Variants in PDE4D observed in about 807,000 individuals in gnomAD.
PDE4D encodes 3',5'-cyclic-AMP phosphodiesterase 4D.
PDE4D carries 24 observed loss-of-function variants against 87.4 expected under a neutral mutation model. The observed-to-expected ratio is 0.27, with a 90% CI of 0.20 to 0.39. PDE4D has a LOEUF of 0.39. Ranked by LOEUF, PDE4D falls within the 10% of genes least tolerant of loss-of-function variation. The pLI is 1.00. For missense variants in PDE4D, 714 were observed against 1,041.0 expected, an observed-to-expected ratio of 0.69 and a Z score of 4.32; for synonymous variants, 384 against 383.2, an observed-to-expected ratio of 1.00 and a Z score of -0.02.
intron 1 of PDE4D, among the ~76,000 whole-genome samples, chr5:59,576,621 G>A (rs1823208561): frequency 6.6e-6 from 1 of 152,080 alleles, no homozygotes; most frequent in South Asian, 2.1e-4. Context: ...TAGTCGAGGT[G>A]GCTACTGCAA....
intron 1 of PDE4D, among the ~76,000 whole-genome samples, chr5:60,243,832 C>T (rs1383712162): frequency 6.6e-6 from 1 of 151,864 alleles, no homozygotes; most frequent in Non-Finnish European, 1.5e-5. Context: ...ATACAAAAGA[C>T]ATATACCTAG....
intron 2 of PDE4D, among the ~76,000 whole-genome samples, chr5:60,046,087 T>C (rs908585043): frequency 6.6e-6 from 1 of 152,228 alleles, no homozygotes; most frequent in Non-Finnish European, 1.5e-5. Context: ...TCACATCCCT[T>C]GTTAAGTTGG....
At chr5:60,088,851 T>C (rs1774810224) in intron 2 of PDE4D, among the ~76,000 whole-genome samples, 1 of 152,068 alleles carries the variant, frequency 6.6e-6, no homozygotes, top group Non-Finnish European at 1.5e-5. Context: ...AAATGAATTA[T>C]ATTCTTCAGT....
intron 6 of PDE4D, among the ~76,000 whole-genome samples, chr5:59,021,481 A>C (rs1755140548): frequency 6.6e-6 from 1 of 152,212 alleles, no homozygotes; most frequent in African/African-American, 2.4e-5. Flanking sequence ...CAGCATATAA[A>C]GTTGACCTTT....
chr5:60,103,833 A>G (rs762575379), intron 2 of PDE4D, among the ~76,000 whole-genome samples: 1 of 152,184 alleles, frequency 6.6e-6, no homozygotes, highest in Non-Finnish European at 1.5e-5. Flanking sequence ...GAATATCAAA[A>G]TATGAATTAA....
At chr5:60,288,735 A>G (rs1401293759) in intron 1 of PDE4D, among the ~76,000 whole-genome samples, 1 of 152,204 alleles carries the variant, frequency 6.6e-6, no homozygotes, top group Admixed American at 6.5e-5. Context: ...TGAATCATTT[A>G]TATTTTCTCT....
At chr5:60,384,179 C>T (rs909977105) in intron 1 of PDE4D, among the ~76,000 whole-genome samples, 1 of 152,242 alleles carries the variant, frequency 6.6e-6, no homozygotes, top group African/African-American at 2.4e-5. Context: ...AAAAGAAAAA[C>T]CCTTACCTAA....
chr5:59,927,359 T>C (rs1019212886), intron 3 of PDE4D, among the ~76,000 whole-genome samples: 1 of 152,234 alleles, frequency 6.6e-6, no homozygotes, highest in Non-Finnish European at 1.5e-5. Context: ...ATTAATATAG[T>C]GTGAATGTGA....
chr5:60,307,394 T>C (rs16877884), intron 1 of PDE4D, among the ~76,000 whole-genome samples: 8,345 of 152,202 alleles, frequency 0.055, 757 homozygotes, highest in African/African-American at 0.19. Context: ...AAAATATGTC[T>C]AGTGTAAGAT....
chr5:59,029,993 G>T (rs1322462267), intron 6 of PDE4D, among the ~76,000 whole-genome samples: 2 of 152,140 alleles, frequency 1.3e-5, no homozygotes, highest in Admixed American at 1.3e-4. Flanking sequence ...GCAGAAGAAA[G>T]AAACTGTACT....
At chr5:59,187,036 G>A (rs756361533) in intron 3 of PDE4D, among the ~76,000 whole-genome samples, 24 of 152,018 alleles carry the variant, frequency 1.6e-4, no homozygotes. Context: ...CCCCTTCCTA[G>A]GCAAAATTTT....
chr5:60,500,538 A>G (rs1369942301), intron 1 of PDE4D, among the ~76,000 whole-genome samples: 1 of 152,214 alleles, frequency 6.6e-6, no homozygotes, highest in Non-Finnish European at 1.5e-5. Flanking sequence ...CATCAGTATG[A>G]TAATAATAAC....
chr5:60,494,264 T>C (rs1749695023), intron 1 of PDE4D, among the ~76,000 whole-genome samples: 1 of 152,136 alleles, frequency 6.6e-6, no homozygotes, highest in Non-Finnish European at 1.5e-5. Context: ...GCACTGGGGG[T>C]AGGGGGATCT....
chr5:59,384,091 A>G (rs937423387), intron 1 of PDE4D, among the ~76,000 whole-genome samples: 8 of 151,794 alleles, frequency 5.3e-5, no homozygotes, highest in Non-Finnish European at 1.2e-4. Context: ...TTTTTTGAGG[A>G]GACGGTGTCT....
intron 1 of PDE4D, among the ~76,000 whole-genome samples, chr5:59,592,891 G>A (rs1466894864): frequency 2.6e-5 from 4 of 151,842 alleles, no homozygotes; most frequent in East Asian, 1.9e-4. Flanking sequence ...TTTGACCAAC[G>A]CATGAAACCT....
chr5:59,333,133 A>G (rs1181082458), intron 1 of PDE4D, among the ~76,000 whole-genome samples: 1 of 152,216 alleles, frequency 6.6e-6, no homozygotes, highest in Non-Finnish European at 1.5e-5. Context: ...TTTTGTAGCC[A>G]TAGAACATAC....
At chr5:59,268,891 T>C (rs1377848670) in intron 1 of PDE4D, among the ~76,000 whole-genome samples, 1 of 152,146 alleles carries the variant, frequency 6.6e-6, no homozygotes, top group Non-Finnish European at 1.5e-5. Context: ...CTTTTCTCAA[T>C]CTTGCTAGTA....
At chr5:59,680,519 A>G (rs1314870507) in intron 1 of PDE4D, among the ~76,000 whole-genome samples, 1 of 152,170 alleles carries the variant, frequency 6.6e-6, no homozygotes, top group Non-Finnish European at 1.5e-5. Flanking sequence ...ACAAATTTAT[A>G]TATTAAAACA....
At chr5:59,512,043 CTT>C (rs1174047302) in intron 1 of PDE4D, among the ~76,000 whole-genome samples, 2 of 152,138 alleles carry the variant, frequency 1.3e-5, no homozygotes, top group African/African-American at 2.4e-5. Context: ...GATGTCTAAA[CTT>C]TTGACTGTAC....
Sources: gnomAD v4.1 joint callset for allele counts (sites outside exome capture counted in the v4.1 genomes callset) on GRCh38, gnomAD v4.1.1 for gene constraint, MANE v1.5 for transcripts, NCBI Gene and HGNC (gene_info 2026-07-23, HGNC 2026-07-21) for gene names.